Variants in WASF2 observed in about 807,000 individuals in gnomAD.
The protein encoded by WASF2 is WASP family member 2.
WASF2 carries 14 observed loss-of-function variants against 45.0 expected under a neutral mutation model. The ratio of observed to expected loss-of-function variants is 0.31; its 90% CI spans 0.21 to 0.49. The LOEUF is 0.49. Among genes scored for constraint, WASF2 ranks in the 20% least tolerant of loss-of-function variants. The pLI, the probability that WASF2 is intolerant of heterozygous loss-of-function variation, is 0.99. For missense variants in WASF2, 439 were observed against 636.1 expected, an observed-to-expected ratio of 0.69 and a Z score of 3.33; for synonymous variants, 200 against 236.3, an observed-to-expected ratio of 0.85 and a Z score of 1.41.
intron 1 of WASF2, among the ~76,000 whole-genome samples, chr1:27,458,230 T>A (rs540285476): frequency 4.7e-5 from 7 of 147,578 alleles, no homozygotes; most frequent in African/African-American, 1.5e-4. Flanking sequence ...GGAGAAGTGC[T>A]TAAACTCGGG....
chr1:27,419,965 C>A (rs1014602289), intron 2 of WASF2, among the ~76,000 whole-genome samples: 2 of 152,030 alleles, frequency 1.3e-5, no homozygotes, highest in African/African-American at 4.8e-5. Flanking sequence ...AGTACAGTGG[C>A]GTGATCTCGG....
rs759090125 is a variant in WASF2, at chr1:27,412,606, C to T, written c.790G>A (p.Glu264Lys). ...SASSPSPSFSEDNLPPPPAEF... is the reference protein window; with the variant it reads ...SASSPSPSFSKDNLPPPPAEF... ...GCTGGTGGAGGAGGCAAGTTGTCCT[C>T]GGAGAAGGAAGGAGAAGGTGAAGAA... The change falls in exon 7 of 9, where the codon GAG becomes AAG. Residue 264 changes from glutamate to lysine, a missense_variant. By Grantham distance (56) the Glu-to-Lys change is moderately conservative (BLOSUM62 1). Transcript: ENST00000618852. The T allele has an allele frequency of 8.7e-6, 14 of 1,614,002 alleles. No homozygotes were observed. Among genetic ancestry groups the T allele is most frequent in the East Asian group, 6.7e-5 (3 of 44,888 alleles).
chr1:27,458,397 ATTTAT>A (rs2017501876), intron 1 of WASF2, among the ~76,000 whole-genome samples: 2 of 149,774 alleles, frequency 1.3e-5, no homozygotes, highest in Admixed American at 6.7e-5. Context: ...GCAAATAGGT[ATTTAT>A]TTTATTATTT....
Position 27,428,946 on chromosome 1 carries a change from T to C in WASF2, c.-43-13A>G. The C allele has an allele frequency of 1.9e-6, 3 of 1,575,020 alleles. No homozygotes were observed. Among genetic ancestry groups the C allele is most frequent in the Non-Finnish European group, 2.6e-6 (3 of 1,156,128 alleles). On this transcript the variant is annotated splice_polypyrimidine_tract_variant and intron_variant, in intron 1 of 8. Coordinates refer to ENST00000618852, the MANE Select transcript of WASF2 (RefSeq NM_006990.5). Reference sequence around the variant, plus strand: ...GGTGAAAAACAACCTAAAAAAGAAATAACAGGAAAGTATTACTCAACCACA... The same window carrying C: ...GGTGAAAAACAACCTAAAAAAGAAACAACAGGAAAGTATTACTCAACCACA...
At chr1:27,480,835 C>T (rs2017837934) in intron 1 of WASF2, among the ~76,000 whole-genome samples, 1 of 151,926 alleles carries the variant, frequency 6.6e-6, no homozygotes, top group Non-Finnish European at 1.5e-5. Flanking sequence ...GGTGAAACCC[C>T]GTCTCTACTA....
chr1:27,459,540 AG>A (rs2017517663), intron 1 of WASF2: 1 of 152,216 alleles, frequency 6.6e-6, no homozygotes, highest in African/African-American at 2.4e-5. Context: ...CACCAAGAAT[AG>A]GAAATTTAAA....
intron 1 of WASF2, among the ~76,000 whole-genome samples, chr1:27,451,720 C>G (rs539920010): frequency 2.6e-5 from 4 of 152,256 alleles, no homozygotes; most frequent in African/African-American, 9.6e-5. Context: ...AAACAGGATG[C>G]TACAAAGTGT....
Position 27,408,317 on chromosome 1 carries a change from G to A in WASF2, c.1369C>T (p.Arg457Trp), listed in dbSNP as rs767912379. 2.1e-5 allele frequency: 34 copies of A among 1,614,036 alleles called. No individual in the cohort carries two copies. Among genetic ancestry groups the A allele is most frequent in the Admixed American group, 1.0e-4 (6 of 59,992 alleles). ...ACAACATCCCGCTTCTCTTGTTCCCGCTGCTCCTCAACCCTGCGCAGCTGA... is the reference window on the plus strand; with the variant it reads ...ACAACATCCCGCTTCTCTTGTTCCCACTGCTCCTCAACCCTGCGCAGCTGA... ...GFQLRRVEEQREQEKRDVVGN... is the reference protein window; with the variant it reads ...GFQLRRVEEQWEQEKRDVVGN... Residue 457 changes from arginine (R) to tryptophan (W), a missense_variant, in exon 9 of 9, where the codon CGG becomes TGG. This residue lies in a region of WASF2 where 286 missense variants were observed against 373.5 expected (regional missense o/e 0.77). Coordinates refer to ENST00000618852, the MANE Select transcript of WASF2 (RefSeq NM_006990.5).
At chr1:27,439,934 A>G (rs1003347359) in intron 1 of WASF2, among the ~76,000 whole-genome samples, 1 of 152,192 alleles carries the variant, frequency 6.6e-6, no homozygotes, top group Non-Finnish European at 1.5e-5. Flanking sequence ...CGGGACGTTG[A>G]AGCTGCAATG....
intron 4 of WASF2, among the ~76,000 whole-genome samples, chr1:27,417,472 C>A (rs1185868425): frequency 6.6e-6 from 1 of 152,240 alleles, no homozygotes; most frequent in Admixed American, 6.5e-5. Flanking sequence ...CACACACACA[C>A]TCTACCTTGC....
chr1:27,409,600 G>A, intron 8 of WASF2, 92 bp downstream of exon 8: 1 of 1,357,986 alleles, frequency 7.4e-7, no homozygotes, highest in East Asian at 2.7e-5. Flanking sequence ...TCCTGGGAAG[G>A]GCACAGGGAC....
At chr1:27,449,652 G>A (rs1393225811) in intron 1 of WASF2, among the ~76,000 whole-genome samples, 1 of 151,838 alleles carries the variant, frequency 6.6e-6, no homozygotes, top group Non-Finnish European at 1.5e-5. Flanking sequence ...GTTGCTTCTT[G>A]TGCTTTGGCT....
intron 2 of WASF2, among the ~76,000 whole-genome samples, chr1:27,425,484 C>G (rs1472999605): frequency 6.6e-6 from 1 of 152,172 alleles, no homozygotes; most frequent in African/African-American, 2.4e-5. Flanking sequence ...GGTTGGATCA[C>G]CTGAGGTCAG....
intron 2 of WASF2, 140 bp downstream of exon 2, chr1:27,428,621 G>C (rs1461818453): frequency 3.0e-5 from 38 of 1,256,578 alleles, no homozygotes; most frequent in Non-Finnish European, 4.3e-5. Context: ...CCTCTCTTTG[G>C]GGAGGAGAGG....
rs1410942442 is a variant in WASF2, at chr1:27,405,375, A to C, written c.*2814T>G. On this transcript the variant is annotated 3_prime_UTR_variant, in exon 9 of 9. Transcript: ENST00000618852. ...CTATTGGAAGCTGGGCCCCAGGGCC[A>C]CAGGAATGGGGGCAGGTCCCTTGGG... The C allele has an allele frequency of 2.0e-5, 3 of 152,294 alleles. No individual in the cohort carries two copies. The highest frequency in any genetic ancestry group is 4.4e-5 in the Non-Finnish European group (3 of 68,134). The allele number at this position is 152,294 out of a possible 1,614,324, so 9.4% of individuals were successfully genotyped here.
intron 1 of WASF2, among the ~76,000 whole-genome samples, chr1:27,482,899 A>T (rs999027296): frequency 2.0e-5 from 3 of 152,166 alleles, no homozygotes; most frequent in African/African-American, 7.2e-5. Flanking sequence ...CCCCCAGGAT[A>T]AAAGTAACAA....
chr1:27,467,857 C>T (rs1239173676), intron 1 of WASF2, among the ~76,000 whole-genome samples: 2 of 151,746 alleles, frequency 1.3e-5, no homozygotes, highest in Non-Finnish European at 2.9e-5. Context: ...GGTTGCAGTA[C>T]ATCGAGATCA....
chr1:27,417,627 A>G (rs1407140741), intron 4 of WASF2, among the ~76,000 whole-genome samples: 2 of 152,224 alleles, frequency 1.3e-5, no homozygotes, highest in East Asian at 3.8e-4. Context: ...TGACAAAACT[A>G]CCAAACCACT....
At chr1:27,440,315 C>G (rs150764858) in intron 1 of WASF2, among the ~76,000 whole-genome samples, 1 of 152,098 alleles carries the variant, frequency 6.6e-6, no homozygotes, top group Non-Finnish European at 1.5e-5. Flanking sequence ...CTTGAGCTCA[C>G]GCTTTTTAGA....
Sources: allele counts gnomAD v4.1 joint callset (sites outside exome capture counted in the v4.1 genomes callset), GRCh38; gene constraint gnomAD v4.1.1; regional missense constraint gnomAD v4.1.1; transcripts MANE v1.5; gene names NCBI Gene and HGNC (gene_info 2026-07-23, HGNC 2026-07-21).